The following COL8A1 variants were observed in gnomAD, a reference collection of about 807,000 sequenced individuals.
COL8A1 encodes the protein collagen alpha-1(VIII) chain.
A neutral mutation model predicts 42.7 loss-of-function variants in COL8A1; 21 were observed. The ratio of observed to expected loss-of-function variants is 0.49; its 90% CI spans 0.35 to 0.71. The LOEUF is 0.71. Among genes scored for constraint, COL8A1 ranks in the 30% least tolerant of loss-of-function variants. The pLI is 0.01. For synonymous variants in COL8A1, 367 were observed against 369.1 expected, an observed-to-expected ratio of 0.99 and a Z score of 0.06; for missense variants, 788 against 962.4, an observed-to-expected ratio of 0.82 and a Z score of 2.40.
In COL8A1 at chr3:99,652,595, C is replaced by A. The variant is rs75650866; in HGVS notation, c.-129+13931C>A. ...GAAATAGTTTGGAGCATCCTGGTAG[C>A]AGAAAAAAGAAAGTGCAGCAAAAGA... On this transcript the variant is annotated intron_variant, in intron 1 of 3. Transcript: ENST00000652472. 5.9e-5 allele frequency among the ~76,000 whole-genome samples: 9 copies of A among 152,172 alleles called. No individual in the cohort carries two copies. In the East Asian group the frequency reaches 1.7e-3, roughly 29 times the overall value.
intron 1 of COL8A1, among the ~76,000 whole-genome samples, chr3:99,732,389 T>C (rs1940536335): frequency 6.6e-6 from 1 of 152,074 alleles, no homozygotes; most frequent in African/African-American, 2.4e-5. Flanking sequence ...TCAGCATGGC[T>C]GGGGAGGCCT....
chr3:99,731,712 T>G (rs1171197875), intron 1 of COL8A1, among the ~76,000 whole-genome samples: 1 of 152,118 alleles, frequency 6.6e-6, no homozygotes, highest in Non-Finnish European at 1.5e-5. Flanking sequence ...TTTGTTTTGG[T>G]TTTTGTTCTC....
intron 2 of COL8A1, among the ~76,000 whole-genome samples, chr3:99,754,367 G>A (rs1161160416): frequency 1.3e-5 from 2 of 151,976 alleles, no homozygotes; most frequent in Non-Finnish European, 2.9e-5. Context: ...TAGAGTAGCT[G>A]CTCAAGTTAT....
At chr3:99,733,904 G>C (rs1039432435) in intron 1 of COL8A1, among the ~76,000 whole-genome samples, 1 of 152,144 alleles carries the variant, frequency 6.6e-6, no homozygotes, top group Non-Finnish European at 1.5e-5. Flanking sequence ...GGCCAGTGAT[G>C]ATGAGCATTT....
At chr3:99,669,146 T>TATATATATATATATAGAG in intron 1 of COL8A1, among the ~76,000 whole-genome samples, 1 of 115,392 alleles carries the variant, frequency 8.7e-6, no homozygotes, top group Non-Finnish European at 1.8e-5. Flanking sequence ...TATATATATA[T>TATATATATATATATAGAG]AGAGGGAGAG....
At chr3:99,715,237 G>A (rs1426327346) in intron 1 of COL8A1, among the ~76,000 whole-genome samples, 1 of 152,042 alleles carries the variant, frequency 6.6e-6, no homozygotes, top group East Asian at 1.9e-4. Flanking sequence ...GAGGGAGGCA[G>A]GATACAAGAG....
intron 1 of COL8A1, among the ~76,000 whole-genome samples, chr3:99,676,996 T>C (rs554847424): frequency 6.6e-6 from 1 of 151,846 alleles, no homozygotes; most frequent in East Asian, 1.9e-4. Context: ...GGCAGGTGGA[T>C]CACTTAAGCC....
At position 99,795,770 on chromosome 3, in the gene COL8A1, C is replaced by T. The variant is rs762757556; in HGVS notation, c.1869C>T (p.Thr623=). ...TGCCTGCATTTACCGCCGAGCTAAC[C>T]GCACCTTTCCCACCGGTGGGGGCCC... ...YEMPAFTAEL[T]APFPPVGAPV... The change falls in exon 4 of 4, where the codon ACC becomes ACT. Residue 623 remains threonine (T), a synonymous_variant. Transcript: ENST00000652472. The T allele has an allele frequency of 4.3e-6, 7 of 1,613,984 alleles. No individual in the cohort carries two copies. Among genetic ancestry groups the T allele is most frequent in the Admixed American group, 3.3e-5 (2 of 60,002 alleles).
rs919648324 is a variant in COL8A1, at chr3:99,794,632, G to C, written c.731G>C (p.Gly244Ala). 22 of 1,613,476 alleles carry C rather than the reference G, an allele frequency of 1.4e-5. No individual in the cohort carries two copies. Among genetic ancestry groups the C allele is most frequent in the Non-Finnish European group, 1.8e-5 (21 of 1,179,848 alleles). Residue 244 changes from glycine to alanine, a missense_variant, in exon 4 of 4, where the codon GGC becomes GCC. Physicochemically the swap from Gly to Ala is moderately conservative, Grantham distance 60 (BLOSUM62 0). This residue lies in a region of COL8A1 where 421 missense variants were observed against 553.1 expected (regional missense o/e 0.76). Coordinates refer to ENST00000652472, the MANE Select transcript of COL8A1 (RefSeq NM_020351.4). The surrounding 1 kb of genome is among the most constrained non-coding windows in gnomAD (Gnocchi z 4.3). ...QGLRGPKGDK[G>A]FGMPGAPGVK... Reference sequence around the variant, plus strand: ...CTTCGGGGTCCTAAAGGAGACAAGGGCTTCGGGATGCCAGGTGCGCCAGGT... The same window carrying C: ...CTTCGGGGTCCTAAAGGAGACAAGGCCTTCGGGATGCCAGGTGCGCCAGGT...
At chr3:99,714,326 C>T (rs1388111730) in intron 1 of COL8A1, among the ~76,000 whole-genome samples, 1 of 152,028 alleles carries the variant, frequency 6.6e-6, no homozygotes, top group Non-Finnish European at 1.5e-5. Flanking sequence ...CCAAGGGTGC[C>T]CTCCACTATG....
chr3:99,674,074 A>G (rs764553110), intron 1 of COL8A1, among the ~76,000 whole-genome samples: 7 of 152,082 alleles, frequency 4.6e-5, no homozygotes, highest in Non-Finnish European at 1.0e-4. Context: ...GCATGTGGAA[A>G]GAAACAATCC....
At chr3:99,754,633 A>ATCCCTGCCTGTTCTCTGCC (rs1941218693) in intron 2 of COL8A1, among the ~76,000 whole-genome samples, 1 of 152,128 alleles carries the variant, frequency 6.6e-6, no homozygotes, top group East Asian at 1.9e-4. Flanking sequence ...TGAGCTCTGC[A>ATCCCTGCCTGTTCTCTGCC]TCCCTGCCTG....
At chr3:99,648,868 G>A (rs55805949) in intron 1 of COL8A1, among the ~76,000 whole-genome samples, 9,455 of 152,156 alleles carry the variant, frequency 0.062, 363 homozygotes, top group East Asian at 0.22. Context: ...CAAGCCATGA[G>A]AGTCACCTAG....
At chr3:99,760,849 T>G (rs1255752718) in intron 2 of COL8A1, among the ~76,000 whole-genome samples, 6 of 152,176 alleles carry the variant, frequency 3.9e-5, no homozygotes, top group Admixed American at 2.6e-4. Context: ...TGCTAAGGTA[T>G]GAAGGGAATT....
rs143506458 is a variant in COL8A1, at chr3:99,720,796, G to C, written c.-128-24101G>C. Among the ~76,000 whole-genome samples the C allele has an allele frequency of 2.6e-3, 403 of 152,236 alleles. 3 individuals carry two copies. The highest frequency in any genetic ancestry group is 4.5e-3 in the Non-Finnish European group (307 of 68,010). ...AAAACCAGAACCAAGTACTGGATTAGAGATTAAGAAAAGACAATCTTTGGT... is the reference window on the plus strand; with the variant it reads ...AAAACCAGAACCAAGTACTGGATTACAGATTAAGAAAAGACAATCTTTGGT... On this transcript the variant is annotated intron_variant, in intron 1 of 3. Coordinates refer to ENST00000652472, the MANE Select transcript of COL8A1 (RefSeq NM_020351.4).
chr3:99,709,587 C>A (rs550455027), intron 1 of COL8A1, among the ~76,000 whole-genome samples: 1 of 152,232 alleles, frequency 6.6e-6, no homozygotes, highest in African/African-American at 2.4e-5. Context: ...TCTCACTCCA[C>A]TTTTTAAAGA....
intron 1 of COL8A1, among the ~76,000 whole-genome samples, chr3:99,704,010 A>G (rs946029949): frequency 1.3e-5 from 2 of 152,254 alleles, no homozygotes; most frequent in African/African-American, 2.4e-5. Flanking sequence ...AACAAAAAGA[A>G]GCATAACTAA....
At chr3:99,747,556 C>G (rs1389869369) in intron 2 of COL8A1, among the ~76,000 whole-genome samples, 1 of 152,190 alleles carries the variant, frequency 6.6e-6, no homozygotes, top group East Asian at 1.9e-4. Flanking sequence ...GGTTGTACTA[C>G]ACTTTGGAAA....
intron 1 of COL8A1, among the ~76,000 whole-genome samples, chr3:99,644,921 G>T (rs1036363952): frequency 6.6e-6 from 1 of 152,208 alleles, no homozygotes; most frequent in Non-Finnish European, 1.5e-5. Flanking sequence ...CTTTTTGGAA[G>T]TCTGGGCCAA....
Sources: allele counts gnomAD v4.1 joint callset (sites outside exome capture counted in the v4.1 genomes callset), GRCh38; gene constraint gnomAD v4.1.1; regional missense constraint gnomAD v4.1.1; non-coding constraint Gnocchi (gnomAD v3.1); transcripts MANE v1.5; gene names NCBI Gene and HGNC (gene_info 2026-07-23, HGNC 2026-07-21).